The following DOCK4 variants were observed in gnomAD, a reference collection of about 807,000 sequenced individuals.
DOCK4 encodes the protein dedicator of cytokinesis protein 4.
A neutral mutation model predicts 268.1 loss-of-function variants in DOCK4; 97 were observed. The ratio of observed to expected loss-of-function variants is 0.36; its 90% CI spans 0.31 to 0.43. The LOEUF (loss-of-function observed/expected upper bound fraction) is 0.43, where lower values mean the gene tolerates loss of function less well. Ranked by LOEUF, DOCK4 falls within the 20% of genes least tolerant of loss-of-function variation. The pLI, the probability that DOCK4 is intolerant of heterozygous loss-of-function variation, is 1.00. For missense variants in DOCK4, 2,145 were observed against 2,455.7 expected (o/e 0.87, Z 2.67); for synonymous variants, 954 against 887.2 (o/e 1.08, Z -1.34).
chr7:111,927,907 T>C (rs1041610563), intron 12 of DOCK4, among the ~76,000 whole-genome samples: 3 of 152,136 alleles, frequency 2.0e-5, no homozygotes, highest in Admixed American at 2.0e-4. Flanking sequence ...GGATGAAAAG[T>C]ACATCCTTAT....
chr7:111,881,190 T>C (rs1180664798), intron 16 of DOCK4, among the ~76,000 whole-genome samples: 2 of 152,130 alleles, frequency 1.3e-5, no homozygotes, highest in Non-Finnish European at 2.9e-5. Context: ...GAGGGATTAA[T>C]AACAGAATAT....
intron 1 of DOCK4, among the ~76,000 whole-genome samples, chr7:112,161,022 A>G (rs1817069176): frequency 6.6e-6 from 1 of 152,176 alleles, no homozygotes; most frequent in Non-Finnish European, 1.5e-5. Context: ...TAACAACTCA[A>G]GTGAGTCATA....
At position 111,951,700 on chromosome 7, in the gene DOCK4, A is replaced by G. The variant is rs546299754; in HGVS notation, c.702-5902T>C. On this transcript the variant is annotated intron_variant, in intron 8 of 52. Coordinates refer to ENST00000428084, the MANE Select transcript of DOCK4 (RefSeq NM_001363540.2). ...AAAGAAAGAAAAAAATTAGCCAAGC[A>G]TGGTGGCACATTCCTATAATCCCAG... Among the ~76,000 whole-genome samples, 24 of 151,896 alleles carry G rather than the reference A, an allele frequency of 1.6e-4. 1 individual carries two copies. The South Asian group carries it at 5.0e-3, about 32-fold the overall frequency.
At chr7:112,140,561 A>G (rs190028203) in intron 1 of DOCK4, among the ~76,000 whole-genome samples, 1 of 152,120 alleles carries the variant, frequency 6.6e-6, no homozygotes, top group East Asian at 1.9e-4. Flanking sequence ...TACATACAGA[A>G]ATGAAGTCTT....
intron 36 of DOCK4, among the ~76,000 whole-genome samples, 151 bp from the exon 37 acceptor site, chr7:111,769,828 A>T (rs1402712536): frequency 6.6e-6 from 1 of 152,226 alleles, no homozygotes; most frequent in Non-Finnish European, 1.5e-5. Context: ...ATGCAGCAGT[A>T]GGGTAATGAA....
chr7:112,184,594 A>T (rs1281832689), intron 1 of DOCK4, among the ~76,000 whole-genome samples: 1 of 151,880 alleles, frequency 6.6e-6, no homozygotes, highest in African/African-American at 2.4e-5. Context: ...GCAGGATGGC[A>T]CTGACTCTCC....
At chr7:111,904,225 G>A (rs900459906) in intron 13 of DOCK4, among the ~76,000 whole-genome samples, 2 of 152,128 alleles carry the variant, frequency 1.3e-5, no homozygotes, top group Admixed American at 1.3e-4. Context: ...TTTATTCAAC[G>A]AATGTTTCTT....
chr7:112,045,953 T>C (rs1441173990), intron 1 of DOCK4, among the ~76,000 whole-genome samples: 1 of 152,198 alleles, frequency 6.6e-6, no homozygotes. Context: ...ACATTTTTAA[T>C]GGAGTGGAAA....
At chr7:111,986,724 C>T (rs1799082417) in intron 6 of DOCK4, among the ~76,000 whole-genome samples, 1 of 152,140 alleles carries the variant, frequency 6.6e-6, no homozygotes, top group African/African-American at 2.4e-5. Context: ...GAAACATGTA[C>T]CATTATTTTA....
chr7:111,879,050 T>C (rs959868269), intron 16 of DOCK4, among the ~76,000 whole-genome samples: 1 of 151,948 alleles, frequency 6.6e-6, no homozygotes, highest in African/African-American at 2.4e-5. Context: ...GCAGTGCAGC[T>C]TGCAGCAACA....
intron 47 of DOCK4, 79 bp from the exon 48 acceptor site, chr7:111,739,556 C>A (rs1795752648): frequency 7.7e-7 from 1 of 1,290,850 alleles, no homozygotes; most frequent in Non-Finnish European, 1.1e-6. Context: ...ACAAAATCAT[C>A]AACTTTTTTT....
chr7:112,026,478 C>A (rs1303295175), intron 1 of DOCK4, among the ~76,000 whole-genome samples: 1 of 152,194 alleles, frequency 6.6e-6, no homozygotes, highest in Non-Finnish European at 1.5e-5. Context: ...GGGACCGCTG[C>A]CCTAAAAGAG....
chr7:111,767,214 C>A, intron 37 of DOCK4, 96 bp from the exon 38 acceptor site: 1 of 923,818 alleles, frequency 1.1e-6, no homozygotes, highest in Non-Finnish European at 1.7e-6. Flanking sequence ...AGCACCAAGC[C>A]TTACTCCTTA....
chr7:112,158,614 C>G (rs1468742085), intron 1 of DOCK4, among the ~76,000 whole-genome samples: 1 of 152,134 alleles, frequency 6.6e-6, no homozygotes, highest in African/African-American at 2.4e-5. Context: ...GCTAAATCCT[C>G]TTTATTCATA....
At chr7:111,831,489 C>CT (rs112825399) in intron 26 of DOCK4, among the ~76,000 whole-genome samples, 42,212 of 143,910 alleles carry the variant, frequency 0.29, 7,218 homozygotes, top group African/African-American at 0.49. Context: ...TTTCCTTTTT[C>CT]TTTTTTTTTT....
chr7:112,190,128 C>T (rs562063817), intron 1 of DOCK4, among the ~76,000 whole-genome samples: 1 of 152,264 alleles, frequency 6.6e-6, no homozygotes, highest in African/African-American at 2.4e-5. Flanking sequence ...CAAATAACTA[C>T]AACACGCTGA....
chr7:112,111,263 C>G (rs1012269666), intron 1 of DOCK4, among the ~76,000 whole-genome samples: 3 of 152,072 alleles, frequency 2.0e-5, no homozygotes, highest in Non-Finnish European at 2.9e-5. Context: ...GGCAGGGAAG[C>G]CTTGAGGTCT....
chr7:112,170,724 T>C (rs1449289269), intron 1 of DOCK4, among the ~76,000 whole-genome samples: 1 of 152,164 alleles, frequency 6.6e-6, no homozygotes, highest in Non-Finnish European at 1.5e-5. Flanking sequence ...TCCACAAAAC[T>C]TGACATAGTA....
intron 1 of DOCK4, among the ~76,000 whole-genome samples, chr7:112,163,590 T>C (rs1263752698): frequency 5.9e-5 from 9 of 152,236 alleles, no homozygotes; most frequent in African/African-American, 2.2e-4. Flanking sequence ...TATTTAATTA[T>C]TTATTTAACA....
Sources: gnomAD v4.1 joint callset for allele counts (sites outside exome capture counted in the v4.1 genomes callset) on GRCh38, gnomAD v4.1.1 for gene constraint, MANE v1.5 for transcripts, NCBI Gene and HGNC (gene_info 2026-07-23, HGNC 2026-07-21) for gene names.